Variants in EXOC4 observed in about 807,000 individuals in gnomAD.
EXOC4 encodes the protein exocyst complex component 4, also known as SEC8-like 1.
A neutral mutation model predicts 107.2 loss-of-function variants in EXOC4; 71 were observed. The observed-to-expected ratio is 0.66, with a 90% confidence interval of 0.55 to 0.81. EXOC4 has a LOEUF of 0.81. Among genes scored for constraint, EXOC4 ranks in the 30% least tolerant of loss-of-function variants. EXOC4 has a pLI of 0.00. For synonymous variants in EXOC4, 456 were observed against 441.2 expected (o/e 1.03, Z -0.42); for missense variants, 1,108 against 1,189.6 (o/e 0.93, Z 1.01).
At chr7:134,057,959 C>T (rs1055614411) in intron 17 of EXOC4, among the ~76,000 whole-genome samples, 7 of 152,178 alleles carry the variant, frequency 4.6e-5, no homozygotes, top group African/African-American at 1.7e-4. Context: ...TAGTTGATCT[C>T]TTAAATATTT....
At chr7:133,982,307 C>T (rs1463150336) in intron 14 of EXOC4, among the ~76,000 whole-genome samples, 1 of 152,194 alleles carries the variant, frequency 6.6e-6, no homozygotes, top group Non-Finnish European at 1.5e-5. Context: ...AATCCCAGCA[C>T]TTTGGGAGGC....
At chr7:133,945,911 C>T (rs536814506) in intron 14 of EXOC4, among the ~76,000 whole-genome samples, 1 of 152,280 alleles carries the variant, frequency 6.6e-6, no homozygotes, top group African/African-American at 2.4e-5. Context: ...ATAAAAATTT[C>T]CCTACCCAAG....
At chr7:133,918,182 G>T (rs1043668110) in intron 13 of EXOC4, among the ~76,000 whole-genome samples, 32 of 151,856 alleles carry the variant, frequency 2.1e-4, no homozygotes, top group Non-Finnish European at 4.6e-4. Flanking sequence ...GGGTTTCACA[G>T]TGTTAGCCAG....
At chr7:133,375,683 C>T (rs1013203268) in intron 7 of EXOC4, among the ~76,000 whole-genome samples, 12 of 152,066 alleles carry the variant, frequency 7.9e-5, no homozygotes, top group African/African-American at 2.7e-4. Flanking sequence ...TATTTCCTTA[C>T]AGTCAACTTT....
intron 14 of EXOC4, among the ~76,000 whole-genome samples, chr7:133,954,194 T>C (rs1169920069): frequency 6.6e-6 from 1 of 152,226 alleles, no homozygotes; most frequent in African/African-American, 2.4e-5. Flanking sequence ...GAACTGGCAT[T>C]GTCACTGTTC....
chr7:133,455,209 C>A (rs1233093919), intron 7 of EXOC4, among the ~76,000 whole-genome samples: 1 of 152,090 alleles, frequency 6.6e-6, no homozygotes, highest in Non-Finnish European at 1.5e-5. Context: ...GAGTTATACT[C>A]TTTCTTAAGA....
At chr7:133,445,105 A>G (rs1183470256) in intron 7 of EXOC4, among the ~76,000 whole-genome samples, 1 of 152,080 alleles carries the variant, frequency 6.6e-6, no homozygotes, top group Non-Finnish European at 1.5e-5. Flanking sequence ...TCCTCCTGTC[A>G]TGTACTTGAT....
intron 10 of EXOC4, among the ~76,000 whole-genome samples, chr7:133,780,739 A>G (rs886560154): frequency 1.3e-5 from 2 of 152,196 alleles, no homozygotes; most frequent in Non-Finnish European, 2.9e-5. Flanking sequence ...CAGGAACTCC[A>G]TGAGAATCCA....
At chr7:134,070,433 C>T (rs1796257879), downstream of EXOC4, among the ~76,000 whole-genome samples, 1 of 152,166 alleles carries the variant, frequency 6.6e-6, no homozygotes, top group African/African-American at 2.4e-5. Flanking sequence ...AATCCTATTC[C>T]AACTGGACTG....
chr7:133,816,987 G>A (rs1049194581), intron 10 of EXOC4, among the ~76,000 whole-genome samples: 3 of 152,128 alleles, frequency 2.0e-5, no homozygotes, highest in African/African-American at 7.2e-5. Flanking sequence ...ACTCTTCGGG[G>A]ATGTGCTTTT....
chr7:133,917,477 G>C, intron 12 of EXOC4, 106 bp from the exon 13 acceptor site: 1 of 1,092,084 alleles, frequency 9.2e-7, no homozygotes, highest in Non-Finnish European at 1.3e-6. Flanking sequence ...ATGTTCAAAG[G>C]AGAGATGAGT....
At position 133,755,927 on chromosome 7, in the gene EXOC4, G is replaced by C. The variant is rs574639829; in HGVS notation, c.1515-61398G>C. 2.6e-5 allele frequency among the ~76,000 whole-genome samples: 4 copies of C among 152,190 alleles called. No individual in the cohort carries two copies. The South Asian group carries it at 8.3e-4, about 32-fold the overall frequency. On this transcript the variant is annotated intron_variant, in intron 10 of 17. Coordinates refer to ENST00000253861, the MANE Select transcript of EXOC4 (RefSeq NM_021807.4). ...CTCCATGACTTAGCTTATATTACCA[G>C]AGTCTGCATGGTGGCTGTATTCTCA...
intron 13 of EXOC4, among the ~76,000 whole-genome samples, chr7:133,927,604 A>G (rs1025604177): frequency 6.6e-6 from 1 of 152,248 alleles, no homozygotes. Context: ...ATGTTCATAA[A>G]TTGGAGACAT....
chr7:134,077,165 G>A, the EXOC4 span, among the ~76,000 whole-genome samples: 4 of 152,172 alleles, frequency 2.6e-5, no homozygotes, highest in African/African-American at 9.7e-5. Flanking sequence ...GTAACTTTCA[G>A]TGGGGGAGTT....
At chr7:133,716,413 A>G (rs1562921695) in intron 10 of EXOC4, among the ~76,000 whole-genome samples, 1 of 152,228 alleles carries the variant, frequency 6.6e-6, no homozygotes, top group Non-Finnish European at 1.5e-5. Context: ...GAAAAATGTA[A>G]GAGCAAAAAT....
chr7:133,544,005 T>C (rs565800606), intron 9 of EXOC4, among the ~76,000 whole-genome samples: 2 of 152,286 alleles, frequency 1.3e-5, no homozygotes, highest in Admixed American at 6.5e-5. Flanking sequence ...ATTATTTCTT[T>C]CTGAACAAAG....
intron 9 of EXOC4, among the ~76,000 whole-genome samples, chr7:133,523,430 C>T (rs1020156401): frequency 3.0e-5 from 4 of 134,568 alleles, no homozygotes; most frequent in African/African-American, 8.1e-5. Context: ...GTATATATAC[C>T]TTTCAGTTCT....
intron 10 of EXOC4, among the ~76,000 whole-genome samples, chr7:133,786,208 T>G (rs927895831): frequency 6.6e-6 from 1 of 152,156 alleles, no homozygotes; most frequent in African/African-American, 2.4e-5. Context: ...AGGGCAGCAC[T>G]GGGGGCCTCA....
chr7:133,734,936 C>T (rs1320299483), intron 10 of EXOC4, among the ~76,000 whole-genome samples: 2 of 150,894 alleles, frequency 1.3e-5, no homozygotes, highest in Middle Eastern at 3.2e-3. Context: ...AAAGGCCAGG[C>T]ACGGTGGCTC....
Sources: gnomAD v4.1 joint callset for allele counts (sites outside exome capture counted in the v4.1 genomes callset) on GRCh38, gnomAD v4.1.1 for gene constraint, MANE v1.5 for transcripts, NCBI Gene and HGNC (gene_info 2026-07-23, HGNC 2026-07-21) for gene names.